Variants in TOM1L1 observed in about 807,000 individuals in gnomAD.
The protein encoded by TOM1L1 is target of myb1 like 1 membrane trafficking protein, also known as TOM1-like protein 1.
TOM1L1 carries 64 observed loss-of-function variants against 63.4 expected under a neutral mutation model. That is an observed-to-expected ratio of 1.01 (90% CI 0.83 to 1.24). The LOEUF (loss-of-function observed/expected upper bound fraction) is 1.24, where lower values mean the gene tolerates loss of function less well. Ranked by LOEUF, TOM1L1 falls within the 50% of genes most tolerant of loss-of-function variation. The pLI is 0.00. For missense variants in TOM1L1, 536 were observed against 567.0 expected, an observed-to-expected ratio of 0.95 and a Z score of 0.55; for synonymous variants, 166 against 194.4, an observed-to-expected ratio of 0.85 and a Z score of 1.22.
At chr17:54,958,730 C>CAAAAAAAAAA (rs61603848) in intron 14 of TOM1L1, among the ~76,000 whole-genome samples, 1 of 57,504 alleles carries the variant, frequency 1.7e-5, no homozygotes, top group East Asian at 3.2e-4. Flanking sequence ...AACTCCATCT[C>CAAAAAAAAAA]AAAAAAAAAA....
At chr17:54,908,840 T>TCA (rs2048453134) in intron 3 of TOM1L1, among the ~76,000 whole-genome samples, 4 of 152,240 alleles carry the variant, frequency 2.6e-5, no homozygotes, top group African/African-American at 4.8e-5. Flanking sequence ...AATTAGTTAA[T>TCA]AGGCCTTTGT....
intron 3 of TOM1L1, among the ~76,000 whole-genome samples, chr17:54,910,404 C>T (rs900573610): frequency 6.6e-6 from 1 of 152,122 alleles, no homozygotes; most frequent in Admixed American, 6.5e-5. Context: ...TGCAGTGAGT[C>T]GAGATTGCGC....
intron 7 of TOM1L1, among the ~76,000 whole-genome samples, chr17:54,920,096 T>C (rs2048658981): frequency 6.6e-6 from 1 of 152,138 alleles, no homozygotes; most frequent in Non-Finnish European, 1.5e-5. Context: ...CTCATACCCA[T>C]CTGAAGGAGT....
chr17:54,901,716 T>G (rs2048330615), intron 1 of TOM1L1, among the ~76,000 whole-genome samples: 1 of 152,018 alleles, frequency 6.6e-6, no homozygotes, highest in Non-Finnish European at 1.5e-5. Flanking sequence ...AGGAACTTAG[T>G]GGGGTGATGA....
intron 11 of TOM1L1, among the ~76,000 whole-genome samples, chr17:54,947,058 G>A (rs1291849642): frequency 6.6e-6 from 1 of 152,190 alleles, no homozygotes; most frequent in Non-Finnish European, 1.5e-5. Context: ...ACACTCCACA[G>A]TCTCAGGGCT....
At chr17:54,930,392 GA>G (rs1415708823) in intron 8 of TOM1L1, 186 bp downstream of exon 8, 20 of 662,924 alleles carry the variant, frequency 3.0e-5, no homozygotes, top group Non-Finnish European at 4.6e-5. Context: ...GTAAATGCTA[GA>G]GGTCTTTCTC....
intron 3 of TOM1L1, among the ~76,000 whole-genome samples, chr17:54,907,457 C>T (rs1183491577): frequency 6.6e-6 from 1 of 152,194 alleles, no homozygotes; most frequent in Non-Finnish European, 1.5e-5. Flanking sequence ...CATGCCCTTG[C>T]CTCATGCCAC....
At chr17:54,914,788 T>G (rs2048560013) in intron 6 of TOM1L1, 45 bp downstream of exon 6, 2 of 1,453,604 alleles carry the variant, frequency 1.4e-6, no homozygotes, top group African/African-American at 2.8e-5. Context: ...TTTTCCTGAT[T>G]TGTAAGCACC....
At chr17:54,903,416 C>G (rs1371095972) in intron 1 of TOM1L1, among the ~76,000 whole-genome samples, 1 of 152,256 alleles carries the variant, frequency 6.6e-6, no homozygotes, top group African/African-American at 2.4e-5. Context: ...TAGTTCCCTT[C>G]TCTGAAAGCC....
chr17:54,939,017 C>G lies in TOM1L1; in HGVS notation c.1127C>G (p.Pro376Arg). 6.3e-7 allele frequency: 1 copy of G among 1,589,632 alleles called. No individual in the cohort carries two copies. The highest frequency in any genetic ancestry group is 8.6e-7 in the Non-Finnish European group (1 of 1,159,606). ...CTAGCCTTGGAGAATACAGAGATAC[C>G]CCCGTAAGTATGTCAGTAACACTGC... ...NLLALENTEIPPFAQRTSQNL... is the reference protein window; with the variant it reads ...NLLALENTEIRPFAQRTSQNL... The change falls in exon 11 of 16, where the codon CCC (proline) becomes CGC (arginine). Residue 376 changes from proline (P) to arginine (R), a missense_variant. Physicochemically the swap from Pro to Arg is moderately radical, Grantham distance 103. Transcript: ENST00000575882.
At chr17:54,958,364 A>AAGCAC (rs2077004786) in intron 14 of TOM1L1, 1 of 152,246 alleles carries the variant, frequency 6.6e-6, no homozygotes, top group South Asian at 2.1e-4. Flanking sequence ...TGCATTTGAA[A>AAGCAC]AGCACATGAG....
At position 54,961,317 on chromosome 17, in the gene TOM1L1, A is replaced by C. The variant is rs2077119382; in HGVS notation, c.*84A>C. The C allele has an allele frequency of 6.4e-7, 1 of 1,551,574 alleles. No homozygotes were observed. Among genetic ancestry groups the C allele is most frequent in the East Asian group, 2.4e-5 (1 of 40,904 alleles). On this transcript the variant is annotated 3_prime_UTR_variant, in exon 16 of 16. Transcript: ENST00000575882. ...GACTCTGTGCAGCTTTGAAGCCTGG[A>C]AGACAATACCTACCAACATGTCAAA...
chr17:54,909,368 G>A (rs894485276), intron 3 of TOM1L1, among the ~76,000 whole-genome samples: 1 of 152,180 alleles, frequency 6.6e-6, no homozygotes, highest in African/African-American at 2.4e-5. Context: ...TCATAGAGTG[G>A]GGTAGTCACC....
At chr17:54,921,268 A>C (rs898771353) in intron 7 of TOM1L1, among the ~76,000 whole-genome samples, 2 of 152,132 alleles carry the variant, frequency 1.3e-5, no homozygotes, top group Admixed American at 1.3e-4. Flanking sequence ...AAATATTTTT[A>C]ATATCTAGCA....
chr17:54,916,070 C>A (rs2048583896), intron 7 of TOM1L1: 2 of 469,132 alleles, frequency 4.3e-6, no homozygotes, highest in Non-Finnish European at 7.5e-6. Context: ...TAGCCTCTTG[C>A]AACAAATAAT....
intron 11 of TOM1L1, among the ~76,000 whole-genome samples, chr17:54,940,133 C>T (rs1351976298): frequency 1.3e-5 from 2 of 152,048 alleles, no homozygotes; most frequent in Admixed American, 1.3e-4. Context: ...TGGGCTCAAG[C>T]GATCCATGTG....
rs537421102 is a variant in TOM1L1 at position 54,958,943 on chromosome 17, A to T, written c.1371-1623A>T. 4.6e-5 allele frequency among the ~76,000 whole-genome samples: 7 copies of T among 152,314 alleles called. No homozygotes were observed. The East Asian group carries it at 1.4e-3, about 29-fold the overall frequency. On this transcript the variant is annotated intron_variant, in intron 14 of 15. Coordinates refer to ENST00000575882, the MANE Select transcript of TOM1L1 (RefSeq NM_005486.3). ...TAACTGAATGGGTCAAGTGCTTCAG[A>T]AGCCAGGAATAGACAGGATCACAGA...
chr17:54,922,127 C>G (rs966302143), intron 7 of TOM1L1, among the ~76,000 whole-genome samples: 1 of 151,818 alleles, frequency 6.6e-6, no homozygotes, highest in African/African-American at 2.4e-5. Context: ...CCCATCTCTA[C>G]TAAAAAATAC....
At chr17:54,901,143 C>T (rs889994419) in intron 1 of TOM1L1, 24 of 636,960 alleles carry the variant, frequency 3.8e-5, no homozygotes, top group Non-Finnish European at 5.9e-5. Flanking sequence ...CAAAAATGTA[C>T]CTTCCTTTCG....
Sources: allele counts gnomAD v4.1 joint callset (sites outside exome capture counted in the v4.1 genomes callset), GRCh38; gene constraint gnomAD v4.1.1; transcripts MANE v1.5; gene names NCBI Gene and HGNC (gene_info 2026-07-23, HGNC 2026-07-21).